The following CUX2 variants were observed in gnomAD, a reference collection of about 807,000 sequenced individuals.
CUX2 encodes homeobox protein cut-like 2.
Under a neutral mutation model 144.8 loss-of-function variants are expected in CUX2, and 40 were observed. The ratio of observed to expected loss-of-function variants is 0.28; its 90% CI spans 0.21 to 0.36. The LOEUF is 0.36. Ranked by LOEUF, CUX2 falls within the 10% of genes least tolerant of loss-of-function variation. The probability of loss-of-function intolerance (pLI) is 1.00; values close to 1 mark genes in which losing one functional copy is unlikely to be tolerated. For synonymous variants in CUX2, 827 were observed against 875.6 expected (o/e 0.94, Z 0.98); for missense variants, 1,615 against 1,994.0 (o/e 0.81, Z 3.62).
At chr12:111,058,733 C>T (rs544165448) in intron 1 of CUX2, among the ~76,000 whole-genome samples, 19 of 152,106 alleles carry the variant, frequency 1.2e-4, no homozygotes, top group African/African-American at 3.1e-4. Flanking sequence ...CAAGATCTCA[C>T]GCAAGAAAGA....
rs748023625 is a variant in CUX2, at chr12:111,293,500, T to A, written c.491T>A (p.Leu164His). 1 of 1,606,662 alleles carries A rather than the reference T, an allele frequency of 6.2e-7. No homozygotes were observed. Among genetic ancestry groups the A allele is most frequent in the South Asian group, 1.1e-5 (1 of 89,388 alleles). Reference sequence around the variant, plus strand: ...CCCACGCTGACCGAGGGAAGCCGCCTCCCAGGCATTCCCGGGAAAGCCCTC... The same window carrying A: ...CCCACGCTGACCGAGGGAAGCCGCCACCCAGGCATTCCCGGGAAAGCCCTC... The part of the protein sequence containing the change: ...AGPTLTEGSR[L>H]PGIPGKALLT... The change falls in exon 6 of 22, where the codon CTC (leucine) becomes CAC (histidine). Residue 164 changes from leucine to histidine, a missense_variant. Around this residue, in one of 12 missense-constraint regions of CUX2, gnomAD observed 295 missense variants for 400.2 expected, o/e 0.74. Coordinates refer to ENST00000261726, the MANE Select transcript of CUX2 (RefSeq NM_015267.4). This position sits in a 1 kb window ranked among gnomAD's most constrained non-coding sequence, Gnocchi z 4.5.
chr12:111,085,162 T>C (rs1210021078), intron 1 of CUX2, among the ~76,000 whole-genome samples: 1 of 152,042 alleles, frequency 6.6e-6, no homozygotes, highest in Non-Finnish European at 1.5e-5. Context: ...AGGATGGGGA[T>C]GGAGGTGCTG....
rs557884358 is a variant in CUX2 at position 111,320,522 on chromosome 12, C to T, written c.2513C>T (p.Ala838Val). 10 of 1,565,452 alleles carry T rather than the reference C, an allele frequency of 6.4e-6. No individual in the cohort carries two copies. Among genetic ancestry groups the T allele is most frequent in the South Asian group, 5.7e-5 (5 of 87,956 alleles). The change falls in exon 17 of 22, where the codon GCG (alanine) becomes GTG (valine). Residue 838 changes from alanine (A) to valine (V), a missense_variant. Ala to Val is a moderately conservative substitution (Grantham distance 64). Transcript: ENST00000261726. The surrounding 1 kb of genome is among the most constrained non-coding windows in gnomAD (Gnocchi z 8.1). ...DEAPVPPEDE[A>V]AAGAEDEPPR... is the part of the protein sequence containing the mutation. ...GCCCCTGTGCCCCCCGAGGACGAGGCGGCGGCAGGGGCGGAGGACGAACCC... is the reference window on the plus strand; with the variant it reads ...GCCCCTGTGCCCCCCGAGGACGAGGTGGCGGCAGGGGCGGAGGACGAACCC...
chr12:111,113,822 G>T (rs1295544404), intron 1 of CUX2, among the ~76,000 whole-genome samples: 1 of 152,248 alleles, frequency 6.6e-6, no homozygotes, highest in Non-Finnish European at 1.5e-5. Flanking sequence ...TTCCCAAAGT[G>T]CAGGGATTAC....
chr12:111,199,248 C>A (rs552706931), intron 1 of CUX2, among the ~76,000 whole-genome samples: 1 of 152,094 alleles, frequency 6.6e-6, no homozygotes, highest in Non-Finnish European at 1.5e-5. Flanking sequence ...CGGAGAGGCA[C>A]GCTGACTTGC....
At position 111,255,160 on chromosome 12, in the gene CUX2, A is replaced by G. The variant is rs1322439098; in HGVS notation, c.223-8601A>G. 6.6e-6 allele frequency among the ~76,000 whole-genome samples: 1 copy of G among 152,188 alleles called. No individual in the cohort carries two copies. The highest frequency in any genetic ancestry group is 1.5e-5 in the Non-Finnish European group (1 of 68,040). On this transcript the variant is annotated intron_variant, in intron 3 of 21. Transcript: ENST00000261726. This position sits in a 1 kb window ranked among gnomAD's most constrained non-coding sequence, Gnocchi z 4.1. ...CCTTAATCAGTCTTTAGAACCAGCT[A>G]GTGCTGGCTCCTGAAACAGGCTAGG...
intron 1 of CUX2, among the ~76,000 whole-genome samples, chr12:111,195,968 AT>A (rs751597608): frequency 6.6e-6 from 1 of 152,168 alleles, no homozygotes; most frequent in Non-Finnish European, 1.5e-5. Flanking sequence ...GTTTTAAAAC[AT>A]TTCTGTCACC....
intron 1 of CUX2, among the ~76,000 whole-genome samples, chr12:111,129,225 C>T (rs1474495660): frequency 6.6e-6 from 1 of 152,250 alleles, no homozygotes; most frequent in Non-Finnish European, 1.5e-5. Context: ...ATTGGGATTT[C>T]TTGCTCACAA....
chr12:111,323,715 G>A (rs1351998320), intron 18 of CUX2, among the ~76,000 whole-genome samples: 1 of 151,852 alleles, frequency 6.6e-6, no homozygotes, highest in Non-Finnish European at 1.5e-5. Context: ...CTTGAGCTGT[G>A]ATCATCCCAC....
Position 111,347,790 on chromosome 12 carries a change from A to G in CUX2, c.3926A>G (p.Glu1309Gly), listed in dbSNP as rs750095243. ...GAACAGATGGAGGAGGATGCTGAGG[A>G]AGAGGCAGGCAGCCAGCCCCAGGAC... ...KQEQMEEDAE[E>G]EAGSQPQDSG... Residue 1309 changes from glutamate (E) to glycine (G), a missense_variant, in exon 22 of 22, where the codon GAA becomes GGA. Coordinates refer to ENST00000261726, the MANE Select transcript of CUX2 (RefSeq NM_015267.4). The G allele has an allele frequency of 3.7e-6, 6 of 1,613,526 alleles. No homozygotes were observed. Among genetic ancestry groups the G allele is most frequent in the Non-Finnish European group, 5.1e-6 (6 of 1,179,860 alleles).
chr12:111,203,266 C>A (rs1880718016), intron 1 of CUX2, among the ~76,000 whole-genome samples: 1 of 149,348 alleles, frequency 6.7e-6, no homozygotes, highest in Non-Finnish European at 1.5e-5. Flanking sequence ...CAGTAAGGGC[C>A]AGGTGCAGTA....
Position 111,035,550 on chromosome 12 carries a change from T to C in CUX2, c.63+1310T>C, listed in dbSNP as rs1428234903. Among the ~76,000 whole-genome samples the C allele has an allele frequency of 6.6e-6, 1 of 150,742 alleles. No individual in the cohort carries two copies. The highest frequency in any genetic ancestry group is 1.5e-5 in the Non-Finnish European group (1 of 67,926). ...GGATAACAGGGCGGTTAGAGCATCC[T>C]GCCTTGACCGTGACATTCGCGGAAG... is the stretch of plus-strand genomic sequence containing the variant. On this transcript the variant is annotated intron_variant, in intron 1 of 21. Coordinates refer to ENST00000261726, the MANE Select transcript of CUX2 (RefSeq NM_015267.4). This position sits in a 1 kb window ranked among gnomAD's most constrained non-coding sequence, Gnocchi z 6.0.
chr12:111,069,551 T>TGTGTGTGTGTGTGC (rs1555266250), intron 1 of CUX2, among the ~76,000 whole-genome samples: 1 of 146,496 alleles, frequency 6.8e-6, no homozygotes, highest in South Asian at 2.2e-4. Flanking sequence ...TGTGTGTGTG[T>TGTGTGTGTGTGTGC]GCGCGCGCGT....
intron 3 of CUX2, among the ~76,000 whole-genome samples, chr12:111,262,401 T>C (rs545334909): frequency 6.9e-6 from 1 of 145,432 alleles, no homozygotes; most frequent in South Asian, 2.2e-4. Context: ...TTTTTTAAGA[T>C]AGGGTCTCAC....
At chr12:111,157,835 T>TATTCCAGGAGA (rs1480486350) in intron 1 of CUX2, among the ~76,000 whole-genome samples, 1 of 152,214 alleles carries the variant, frequency 6.6e-6, no homozygotes, top group African/African-American at 2.4e-5. Context: ...TAGCAACAGC[T>TATTCCAGGAGA]ACAGATATTC....
At chr12:111,162,463 C>T in intron 1 of CUX2, among the ~76,000 whole-genome samples, 1 of 152,196 alleles carries the variant, frequency 6.6e-6, no homozygotes, top group African/African-American at 2.4e-5. Context: ...TGTATTGAAG[C>T]CCCACTGCTG....
intron 1 of CUX2, among the ~76,000 whole-genome samples, chr12:111,110,041 AATT>A (rs1408781551): frequency 6.9e-6 from 1 of 145,510 alleles, no homozygotes; most frequent in Non-Finnish European, 1.5e-5. Flanking sequence ...ACACTCAACT[AATT>A]TTTTTTTTTT....
rs1339702622 is a variant in CUX2, at chr12:111,186,543, C to T, written c.64-27657C>T. On this transcript the variant is annotated intron_variant, in intron 1 of 21. Coordinates refer to ENST00000261726, the MANE Select transcript of CUX2 (RefSeq NM_015267.4). This position sits in a 1 kb window ranked among gnomAD's most constrained non-coding sequence, Gnocchi z 4.4. ...GCACATTCTGGCCACACCCGGCCAC[C>T]AGGACCCATGGTTGCTGAGAGAGAG... Among the ~76,000 whole-genome samples, 1 of 152,212 alleles carries T rather than the reference C, an allele frequency of 6.6e-6. No homozygotes were observed.
chr12:111,058,031 A>G (rs944713130), intron 1 of CUX2, among the ~76,000 whole-genome samples: 1 of 152,224 alleles, frequency 6.6e-6, no homozygotes, highest in African/African-American at 2.4e-5. Context: ...CACGGTAACC[A>G]GGTTAATTCT....
Sources: gnomAD v4.1 joint callset for allele counts (sites outside exome capture counted in the v4.1 genomes callset) on GRCh38, gnomAD v4.1.1 for gene constraint, gnomAD v4.1.1 regional missense constraint, Gnocchi (gnomAD v3.1) non-coding constraint, MANE v1.5 for transcripts, NCBI Gene and HGNC (gene_info 2026-07-23, HGNC 2026-07-21) for gene names.